The following DUSP11 variants were observed in gnomAD, a reference collection of about 807,000 sequenced individuals.
DUSP11 encodes dual specificity phosphatase 11.
Under a neutral mutation model 41.4 loss-of-function variants are expected in DUSP11, and 27 were observed. The observed-to-expected ratio is 0.65, with a 90% CI of 0.48 to 0.90. The LOEUF (loss-of-function observed/expected upper bound fraction) is 0.90. Among genes scored for constraint, DUSP11 ranks in the 40% least tolerant of loss-of-function variants. DUSP11 has a pLI of 0.00. For synonymous variants in DUSP11, 188 were observed against 159.3 expected (o/e 1.18, Z -1.35); for missense variants, 465 against 461.1 (o/e 1.01, Z -0.08).
At chr2:73,776,697 AT>A (rs1295560598) in intron 2 of DUSP11, among the ~76,000 whole-genome samples, 6 of 152,216 alleles carry the variant, frequency 3.9e-5, no homozygotes, top group African/African-American at 1.4e-4. Context: ...CACAAAAAAA[AT>A]GAGAGAAAGA....
intron 8 of DUSP11, among the ~76,000 whole-genome samples, chr2:73,764,938 T>C (rs1672430039): frequency 6.6e-6 from 1 of 152,108 alleles, no homozygotes; most frequent in Admixed American, 6.6e-5. Context: ...TGCACTCCAG[T>C]CTGGGCGACA....
At chr2:73,775,801 C>A (rs1031625051) in intron 2 of DUSP11, among the ~76,000 whole-genome samples, 2 of 144,674 alleles carry the variant, frequency 1.4e-5, no homozygotes, top group Non-Finnish European at 1.5e-5. Context: ...TTGCAGTGAG[C>A]CGAGATCACA....
intron 6 of DUSP11, 35 bp from the exon 7 acceptor site, chr2:73,766,938 C>T (rs1378400655): frequency 1.3e-6 from 2 of 1,574,062 alleles, no homozygotes; most frequent in Admixed American, 1.7e-5. Context: ...AATAACTGTA[C>T]AAAAAGCAGA....
At chr2:73,769,314 C>A (rs753919666) in exon 5 of DUSP11, 1 of 1,611,840 alleles carries the variant, frequency 6.2e-7, no homozygotes, top group Non-Finnish European at 8.5e-7. Flanking sequence ...CAGTGGACAC[C>A]AATAAGTTTA....
intron 4 of DUSP11, among the ~76,000 whole-genome samples, chr2:73,771,076 T>C (rs1400943222): frequency 6.6e-6 from 1 of 152,182 alleles, no homozygotes; most frequent in Non-Finnish European, 1.5e-5. Flanking sequence ...TCTTCCCTCA[T>C]CCCTTTATCA....
chr2:73,771,190 T>A (rs185684355), intron 4 of DUSP11, among the ~76,000 whole-genome samples: 1 of 152,372 alleles, frequency 6.6e-6, no homozygotes, highest in Admixed American at 6.5e-5. Flanking sequence ...GGCAAGGACT[T>A]TGTTCTATTT....
chr2:73,764,901 G>T (rs1327000396), intron 8 of DUSP11, among the ~76,000 whole-genome samples: 1 of 152,174 alleles, frequency 6.6e-6, no homozygotes, highest in Non-Finnish European at 1.5e-5. Context: ...GGGAGGTGGA[G>T]GTTGCAGTGA....
intron 1 of DUSP11, 59 bp from the exon 2 acceptor site, chr2:73,778,435 A>T (rs1672725978): frequency 1.7e-6 from 2 of 1,182,696 alleles, no homozygotes; most frequent in Middle Eastern, 2.0e-4. Context: ...CTTGCACAAA[A>T]TAAGACTTTT....
At chr2:73,770,252 C>T (rs1672548444) in intron 4 of DUSP11, among the ~76,000 whole-genome samples, 1 of 151,356 alleles carries the variant, frequency 6.6e-6, no homozygotes, top group Non-Finnish European at 1.5e-5. Flanking sequence ...TGGTGGCTCA[C>T]GCCTGTAATC....
intron 2 of DUSP11, among the ~76,000 whole-genome samples, chr2:73,777,722 T>C (rs1447119358): frequency 6.6e-6 from 1 of 152,256 alleles, no homozygotes; most frequent in Non-Finnish European, 1.5e-5. Context: ...ACATCCTGAA[T>C]GGCTTTTGGA....
intron 1 of DUSP11, among the ~76,000 whole-genome samples, chr2:73,779,110 C>G (rs1672742622): frequency 6.6e-6 from 1 of 152,210 alleles, no homozygotes; most frequent in East Asian, 1.9e-4. Context: ...GAGATTGGAC[C>G]ATTGCACTCC....
intron 4 of DUSP11, 40 bp downstream of exon 4, chr2:73,773,760 C>A (rs1314565994): frequency 2.6e-6 from 4 of 1,552,704 alleles, no homozygotes; most frequent in East Asian, 4.6e-5. Context: ...CAACCCCATT[C>A]ATAATGCACA....
chr2:73,776,789 T>A (rs138795230), intron 2 of DUSP11, among the ~76,000 whole-genome samples: 3 of 152,242 alleles, frequency 2.0e-5, no homozygotes, highest in Admixed American at 2.0e-4. Context: ...AACCATCTAT[T>A]CTCTGAGCTT....
rs540715165 is a variant in DUSP11 at position 73,777,363 on chromosome 2, A to T, written c.318+938T>A. On this transcript the variant is annotated intron_variant, in intron 2 of 8. Transcript: ENST00000272444. The stretch of plus-strand genomic sequence containing the variant: ...AATCTGATCTATAAGTCACAAATTA[A>T]GTAAATTCCCAAAACGTTTCAAGTA... Among the ~76,000 whole-genome samples the T allele has an allele frequency of 1.2e-4, 19 of 152,372 alleles. No individual in the cohort carries two copies. In the South Asian group the frequency reaches 3.9e-3, roughly 32 times the overall value.
chr2:73,779,891 T>G (rs755268713), exon 1 of DUSP11: 4 of 1,614,212 alleles, frequency 2.5e-6, no homozygotes, highest in Non-Finnish European at 3.4e-6. Context: ...GGATGTGGTT[T>G]CCGCCCTTCT....
chr2:73,777,217 G>A (rs917339284), intron 2 of DUSP11, among the ~76,000 whole-genome samples: 1 of 152,280 alleles, frequency 6.6e-6, no homozygotes, highest in African/African-American at 2.4e-5. Context: ...GGACTCAAGC[G>A]ATACACCCAC....
At chr2:73,764,680 A>G (rs1174386258) in intron 8 of DUSP11, among the ~76,000 whole-genome samples, 2 of 152,202 alleles carry the variant, frequency 1.3e-5, no homozygotes, top group African/African-American at 4.8e-5. Flanking sequence ...AACTGTTGCT[A>G]AACTGGCTGG....
At chr2:73,769,372 G>T in intron 4 of DUSP11, 47 bp from the exon 5 acceptor site, 1 of 1,320,768 alleles carries the variant, frequency 7.6e-7, no homozygotes, top group Non-Finnish European at 1.1e-6. Context: ...AGATACACAA[G>T]TATATAACAT....
In DUSP11 at chr2:73,773,938, C is replaced by A. The variant is rs2103943583; in HGVS notation, c.451-15G>T. 1.3e-6 allele frequency: 2 copies of A among 1,551,528 alleles called. No homozygotes were observed. The highest frequency in any genetic ancestry group is 1.2e-5 in the South Asian group (1 of 81,558). Reference sequence around the variant, plus strand: ...TCTGGCAAATCCTATAAAGCAAAACCATAAAAGATGTGTATTATTTCACTT... The same window carrying A: ...TCTGGCAAATCCTATAAAGCAAAACAATAAAAGATGTGTATTATTTCACTT... On this transcript the variant is annotated splice_polypyrimidine_tract_variant and intron_variant, in intron 3 of 8. Coordinates refer to ENST00000272444, the Ensembl canonical transcript of DUSP11.
Sources: allele counts gnomAD v4.1 joint callset (sites outside exome capture counted in the v4.1 genomes callset), GRCh38; gene constraint gnomAD v4.1.1; transcripts MANE v1.5; gene names NCBI Gene and HGNC (gene_info 2026-07-23, HGNC 2026-07-21).